The following B3GNT2 variants were observed in gnomAD, a reference collection of about 807,000 sequenced individuals.
B3GNT2 encodes N-acetyllactosaminide beta-1,3-N-acetylglucosaminyltransferase 2.
Under a neutral mutation model 27.6 loss-of-function variants are expected in B3GNT2, and 12 were observed. The observed-to-expected ratio is 0.44, with a 90% CI of 0.28 to 0.71. The LOEUF is 0.71. B3GNT2 is among the 30% of genes least tolerant of loss of function. The probability of loss-of-function intolerance (pLI) is 0.17; values close to 1 mark genes in which losing one functional copy is unlikely to be tolerated. For synonymous variants in B3GNT2, 192 were observed against 189.7 expected, an observed-to-expected ratio of 1.01 and a Z score of -0.10; for missense variants, 413 against 488.5, an observed-to-expected ratio of 0.85 and a Z score of 1.46.
intron 1 of B3GNT2, among the ~76,000 whole-genome samples, chr2:62,210,298 G>A (rs771578176): frequency 2.0e-5 from 3 of 152,194 alleles, no homozygotes; most frequent in Non-Finnish European, 4.4e-5. Context: ...TTAGCTCTGT[G>A]ACCTCAAACT....
intron 1 of B3GNT2, chr2:62,215,590 AGGCAACAGATG>A (rs894741265): frequency 4.6e-5 from 7 of 152,394 alleles, no homozygotes; most frequent in Non-Finnish European, 7.3e-5. Context: ...GGCAAGGACT[AGGCAACAGATG>A]GGACAGCCAG....
At chr2:62,209,101 C>T (rs1190490110) in intron 1 of B3GNT2, among the ~76,000 whole-genome samples, 1 of 152,138 alleles carries the variant, frequency 6.6e-6, no homozygotes, top group Non-Finnish European at 1.5e-5. Context: ...AGCGCCTCAG[C>T]CTTCCTAGTA....
At chr2:62,211,368 C>A (rs567702141) in intron 1 of B3GNT2, among the ~76,000 whole-genome samples, 35 of 151,884 alleles carry the variant, frequency 2.3e-4, no homozygotes, top group South Asian at 2.1e-4. Context: ...CCGTCCCCCC[C>A]AAAAAAATTT....
Position 62,208,881 on chromosome 2 carries a change from C to G in B3GNT2, c.-10+12526C>G, listed in dbSNP as rs535902467. Among the ~76,000 whole-genome samples, 5 of 152,144 alleles carry G rather than the reference C, an allele frequency of 3.3e-5. 1 individual carries two copies. In the South Asian group the frequency reaches 1.0e-3, roughly 32 times the overall value. ...GTCAGACCTGTTATCACACCGTGTGCTAAGTCAGATAAATGTGGGTGAGGT... is the reference window on the plus strand; with the variant it reads ...GTCAGACCTGTTATCACACCGTGTGGTAAGTCAGATAAATGTGGGTGAGGT... On this transcript the variant is annotated intron_variant, in intron 1 of 1. Coordinates refer to ENST00000301998, the MANE Select transcript of B3GNT2 (RefSeq NM_006577.6).
At chr2:62,213,622 C>T (rs1674519473) in intron 1 of B3GNT2, among the ~76,000 whole-genome samples, 1 of 152,164 alleles carries the variant, frequency 6.6e-6, no homozygotes, top group African/African-American at 2.4e-5. Context: ...CTGTACTTCT[C>T]ACCCCAGTTT....
At position 62,221,513 on chromosome 2, in the gene B3GNT2, T is replaced by TA. The variant is rs1050986672; in HGVS notation, c.-9-691dup. Among the ~76,000 whole-genome samples, 42 of 151,662 alleles carry TA rather than the reference T, an allele frequency of 2.8e-4. 3 individuals carry two copies. Among genetic ancestry groups the TA allele is most frequent in the Admixed American group, 2.0e-3 (31 of 15,200 alleles). On this transcript the variant is annotated intron_variant, in intron 1 of 1. Transcript: ENST00000301998. ...AATAACTCAGGGTTGGGACTAACAT[T>TA]AAAAAAAAGAGAGAGAGATAGGGTC...
intron 1 of B3GNT2, among the ~76,000 whole-genome samples, chr2:62,199,986 G>T (rs1009622442): frequency 2.0e-5 from 3 of 152,210 alleles, no homozygotes; most frequent in African/African-American, 7.2e-5. Flanking sequence ...ACTTGATGGA[G>T]AATTTATTAT....
At chr2:62,219,048 G>T (rs1306226491) in intron 1 of B3GNT2, among the ~76,000 whole-genome samples, 1 of 152,208 alleles carries the variant, frequency 6.6e-6, no homozygotes, top group Non-Finnish European at 1.5e-5. Flanking sequence ...AGTGGTTATG[G>T]CTGGATTCCA....
chr2:62,212,507 C>T (rs1002659919), intron 1 of B3GNT2, among the ~76,000 whole-genome samples: 1 of 151,858 alleles, frequency 6.6e-6, no homozygotes, highest in Non-Finnish European at 1.5e-5. Flanking sequence ...AGGGAGGCCT[C>T]TTCACTCTGG....
At chr2:62,211,306 T>G (rs1390780222) in intron 1 of B3GNT2, among the ~76,000 whole-genome samples, 1 of 152,116 alleles carries the variant, frequency 6.6e-6, no homozygotes, top group Non-Finnish European at 1.5e-5. Context: ...CAGTGAGCTG[T>G]GATTGCGCCA....
chr2:62,216,960 C>T (rs1316871565), intron 1 of B3GNT2, among the ~76,000 whole-genome samples: 2 of 152,208 alleles, frequency 1.3e-5, no homozygotes, highest in Non-Finnish European at 2.9e-5. Context: ...GCCCTGACTC[C>T]ATCACTTGCT....
At chr2:62,203,403 G>A (rs902631809) in intron 1 of B3GNT2, among the ~76,000 whole-genome samples, 2 of 152,176 alleles carry the variant, frequency 1.3e-5, no homozygotes, top group African/African-American at 4.8e-5. Flanking sequence ...GACAAGAATA[G>A]GGGGTAAGGG....
chr2:62,212,017 G>A (rs937768733), intron 1 of B3GNT2, among the ~76,000 whole-genome samples: 1 of 152,218 alleles, frequency 6.6e-6, no homozygotes, highest in Non-Finnish European at 1.5e-5. Flanking sequence ...CTCTGGGTTG[G>A]TGATGTAGAG....
rs565987226 is a variant in B3GNT2 at position 62,223,338 on chromosome 2, T to C, written c.1118T>C (p.Met373Thr). Reference sequence around the variant, plus strand: ...AACATCTGCTCCTATGTAGATCTGATGTTAGTACATAGTAGAAAACCTCAA... The same window carrying C: ...AACATCTGCTCCTATGTAGATCTGACGTTAGTACATAGTAGAAAACCTCAA... Reference protein sequence around the residue: ...KNNICSYVDLMLVHSRKPQEM... With the variant: ...KNNICSYVDLTLVHSRKPQEM... The change falls in exon 2 of 2, where the codon ATG (methionine) becomes ACG (threonine). Residue 373 changes from methionine (M) to threonine (T), a missense_variant. Met to Thr is a moderately conservative substitution (Grantham distance 81). Coordinates refer to ENST00000301998, the MANE Select transcript of B3GNT2 (RefSeq NM_006577.6). The C allele has an allele frequency of 6.2e-7, 1 of 1,614,116 alleles. No homozygotes were observed. The highest frequency in any genetic ancestry group is 2.2e-5 in the East Asian group (1 of 44,882).
intron 1 of B3GNT2, among the ~76,000 whole-genome samples, chr2:62,199,715 C>T (rs1400677398): frequency 6.6e-6 from 1 of 152,216 alleles, no homozygotes; most frequent in Admixed American, 6.5e-5. Context: ...CTGGCTGCAT[C>T]CAGTAAAGAA....
At chr2:62,202,467 A>G (rs907172430) in intron 1 of B3GNT2, among the ~76,000 whole-genome samples, 7 of 152,170 alleles carry the variant, frequency 4.6e-5, no homozygotes, top group African/African-American at 1.7e-4. Context: ...AAGGTGTAAT[A>G]GGCCATGATG....
Position 62,223,075 on chromosome 2 carries a change from G to A in B3GNT2, c.855G>A (p.Lys285=). The A allele has an allele frequency of 6.2e-7, 1 of 1,614,230 alleles. No homozygotes were observed. Among genetic ancestry groups the A allele is most frequent in the Non-Finnish European group, 8.5e-7 (1 of 1,180,038 alleles). The part of the protein sequence containing the change: ...VIHNAGPHRD[K]KLKYYIPEVV... ...ACAATGCTGGACCTCATCGGGATAAGAAGCTGAAGTACTACATCCCAGAAG... is the reference window on the plus strand; with the variant it reads ...ACAATGCTGGACCTCATCGGGATAAAAAGCTGAAGTACTACATCCCAGAAG... Residue 285 remains lysine, a synonymous_variant, in exon 2 of 2, where the codon AAG becomes AAA. Transcript: ENST00000301998.
rs370935685 is a variant in B3GNT2 at position 62,214,382 on chromosome 2, C to G, written c.-9-7830C>G. Among the ~76,000 whole-genome samples, 5 of 116,674 alleles carry G rather than the reference C, an allele frequency of 4.3e-5. No homozygotes were observed. In the East Asian group the frequency reaches 9.1e-4, roughly 21 times the overall value. 76.5% of individuals were successfully genotyped at this position (116,674 alleles called of 152,430 possible). ...GGAGCTACCAGTGGCGTAATAGAAGCACCTGGCTCCTGGCTGAATGCGCAG... is the reference window on the plus strand; with the variant it reads ...GGAGCTACCAGTGGCGTAATAGAAGGACCTGGCTCCTGGCTGAATGCGCAG... On this transcript the variant is annotated intron_variant, in intron 1 of 1. Coordinates refer to ENST00000301998, the MANE Select transcript of B3GNT2 (RefSeq NM_006577.6).
chr2:62,199,218 C>T (rs544758704), intron 1 of B3GNT2, among the ~76,000 whole-genome samples: 3 of 152,220 alleles, frequency 2.0e-5, no homozygotes, highest in South Asian at 4.1e-4. Flanking sequence ...GGATTACAGA[C>T]GTAAGCCACC....
Sources: gnomAD v4.1 joint callset for allele counts (sites outside exome capture counted in the v4.1 genomes callset) on GRCh38, gnomAD v4.1.1 for gene constraint, MANE v1.5 for transcripts, NCBI Gene and HGNC (gene_info 2026-07-23, HGNC 2026-07-21) for gene names.